NUB1: variants seen among roughly 807,000 people sequenced by gnomAD.
NUB1 encodes NEDD8 ultimate buster 1.
A neutral mutation model predicts 77.1 loss-of-function variants in NUB1; 41 were observed. That is an observed-to-expected ratio of 0.53 (90% CI 0.41 to 0.69). The LOEUF (loss-of-function observed/expected upper bound fraction) is 0.69. NUB1 is among the 30% of genes least tolerant of loss of function. NUB1 has a pLI of 0.00. For missense variants in NUB1, 643 were observed against 743.8 expected (o/e 0.86, Z 1.58); for synonymous variants, 257 against 281.0 (o/e 0.91, Z 0.85).
chr7:151,366,031 A>G (rs1471239340), intron 8 of NUB1, among the ~76,000 whole-genome samples: 1 of 152,180 alleles, frequency 6.6e-6, no homozygotes, highest in Non-Finnish European at 1.5e-5. Context: ...GTTCATATAC[A>G]ATGTGTGGTT....
chr7:151,376,908 G>C, intron 14 of NUB1, 97 bp downstream of exon 14: 1 of 1,450,838 alleles, frequency 6.9e-7, no homozygotes, highest in South Asian at 1.4e-5. Flanking sequence ...AGACTGAGGG[G>C]GCGTCCCCTG....
Position 151,368,777 on chromosome 7 carries a change from G to C in NUB1, c.1138G>C (p.Val380Leu). Residue 380 changes from valine (V) to leucine (L), a missense_variant, in exon 11 of 15, where the codon GTG (valine) becomes CTG (leucine). By Grantham distance (32) the Val-to-Leu change is conservative. Transcript: ENST00000568733. ...FKELYIDPSKVDNLLQLGFTA... is the reference protein window; with the variant it reads ...FKELYIDPSKLDNLLQLGFTA... ...AGAGCTATATATTGATCCATCAAAA[G>C]TGGACAATTTGTTGCAGTTGGGGTT... 6.2e-7 allele frequency: 1 copy of C among 1,614,008 alleles called. No individual in the cohort carries two copies. The highest frequency in any genetic ancestry group is 1.1e-5 in the South Asian group (1 of 91,070).
intron 7 of NUB1, among the ~76,000 whole-genome samples, chr7:151,358,184 A>G (rs989743996): frequency 1.3e-5 from 2 of 151,002 alleles, no homozygotes; most frequent in African/African-American, 4.9e-5. Flanking sequence ...CATGTTGGCC[A>G]GATGGTCTCA....
chr7:151,351,775 G>A (rs1427784410), intron 4 of NUB1, among the ~76,000 whole-genome samples: 1 of 152,146 alleles, frequency 6.6e-6, no homozygotes, highest in African/African-American at 2.4e-5. Context: ...GTGAATGAGT[G>A]AGTGATACAA....
Position 151,371,701 on chromosome 7 carries a change from C to T in NUB1, c.1249-2396C>T, listed in dbSNP as rs137946032. Reference sequence around the variant, plus strand: ...AAATCTGCTGCCCTCGGAGTTCCAACGTTCTAGGTATGAGCATCTGACTGA... The same window carrying T: ...AAATCTGCTGCCCTCGGAGTTCCAATGTTCTAGGTATGAGCATCTGACTGA... On this transcript the variant is annotated intron_variant, in intron 11 of 14. Coordinates refer to ENST00000568733, the MANE Select transcript of NUB1 (RefSeq NM_001243351.2). Among the ~76,000 whole-genome samples, 6 of 152,316 alleles carry T rather than the reference C, an allele frequency of 3.9e-5. No homozygotes were observed. In the East Asian group the frequency reaches 9.7e-4, roughly 25 times the overall value.
At position 151,355,769 on chromosome 7, in the gene NUB1, GA is replaced by G; in HGVS notation, c.421del (p.Thr141ProfsTer11). 2 of 1,582,758 alleles carry G rather than the reference GA, an allele frequency of 1.3e-6. No individual in the cohort carries two copies. Among genetic ancestry groups the G allele is most frequent in the South Asian group, 1.2e-5 (1 of 85,956 alleles). The stretch of plus-strand genomic sequence containing the variant: ...AATAGGCAGTTCTGATTTTTATAGG[GA>G]AAACCCTTGAAGAACAAGGCGTGGC... ...VINKKQLQLG[K>X]TLEEQGVAHN... On this transcript the variant is annotated frameshift_variant and splice_region_variant, in exon 6 of 15. Transcript: ENST00000568733. LOFTEE classifies it high-confidence loss of function.
chr7:151,352,859 T>C lies in NUB1; in HGVS notation c.392T>C (p.Ile131Thr), dbSNP rs1165615916. The change falls in exon 5 of 15, where the codon ATA becomes ACA. Residue 131 changes from isoleucine to threonine, a missense_variant. By Grantham distance (89) the Ile-to-Thr change is moderately conservative. Coordinates refer to ENST00000568733, the MANE Select transcript of NUB1 (RefSeq NM_001243351.2). ...GLQENYIKIV[I>T]NKKQLQLGKT... The stretch of plus-strand genomic sequence containing the variant: ...CAAGAAAATTATATCAAAATTGTCA[T>C]AAATAAGAAGCAACTACAACTAGGT... The C allele has an allele frequency of 3.2e-6, 5 of 1,557,926 alleles. No homozygotes were observed. The highest frequency in any genetic ancestry group is 4.4e-6 in the Non-Finnish European group (5 of 1,132,644).
chr7:151,366,748 C>A (rs1019287931), intron 8 of NUB1, among the ~76,000 whole-genome samples, 191 bp from the exon 9 acceptor site: 1 of 152,122 alleles, frequency 6.6e-6, no homozygotes, highest in Non-Finnish European at 1.5e-5. Context: ...CTCTTTCTTT[C>A]CCCCATTAGA....
chr7:151,359,326 C>G (rs1797249796), intron 7 of NUB1, among the ~76,000 whole-genome samples: 1 of 151,384 alleles, frequency 6.6e-6, no homozygotes, highest in African/African-American at 2.4e-5. Context: ...ACCTGTAGTC[C>G]CAGCTACTTG....
intron 1 of NUB1, 68 bp downstream of exon 1, chr7:151,341,914 G>T: frequency 2.1e-6 from 3 of 1,416,848 alleles, no homozygotes; most frequent in South Asian, 2.9e-5. Context: ...CCCGGTTCCC[G>T]GTCCGACTGG....
intron 11 of NUB1, among the ~76,000 whole-genome samples, chr7:151,373,570 C>T (rs1798055749): frequency 6.6e-6 from 1 of 152,250 alleles, no homozygotes; most frequent in African/African-American, 2.4e-5. Flanking sequence ...TCAGAAGGCC[C>T]TGGAGTCCTT....
intron 1 of NUB1, among the ~76,000 whole-genome samples, chr7:151,344,797 C>T (rs942365201): frequency 9.2e-5 from 14 of 151,954 alleles, no homozygotes; most frequent in South Asian, 2.1e-4. Flanking sequence ...GTCAGGAATT[C>T]GAGACCAGCC....
rs982156855 is a variant in NUB1, at chr7:151,377,434, G to A, written c.*209G>A. 5 of 415,096 alleles carry A rather than the reference G, an allele frequency of 1.2e-5. No homozygotes were observed. The highest frequency in any genetic ancestry group is 4.2e-5 in the East Asian group (1 of 24,014). The allele number at this position is 415,096 out of a possible 1,614,324, so 25.7% of individuals were successfully genotyped here. ...AGCTTCCTCTGGCCTGGCGCAGGCC[G>A]TTCCATCTGCCTCCCAGGTCTGCGT... On this transcript the variant is annotated 3_prime_UTR_variant, in exon 15 of 15. Coordinates refer to ENST00000568733, the MANE Select transcript of NUB1 (RefSeq NM_001243351.2).
intron 11 of NUB1, chr7:151,369,176 T>A: frequency 5.1e-6 from 1 of 197,008 alleles, no homozygotes; most frequent in South Asian, 1.1e-4. Context: ...CCTGGCTAAT[T>A]TTTGTATTTT....
intron 1 of NUB1, among the ~76,000 whole-genome samples, chr7:151,343,750 C>T (rs923505550): frequency 5.3e-5 from 8 of 152,088 alleles, no homozygotes; most frequent in Non-Finnish European, 1.2e-4. Context: ...GACTCCATGA[C>T]GGAAGTTCAG....
At chr7:151,375,311 G>A (rs1026125156) in intron 12 of NUB1, among the ~76,000 whole-genome samples, 1 of 152,140 alleles carries the variant, frequency 6.6e-6, no homozygotes. Context: ...TATTCGAAGG[G>A]ACTGATGGGT....
In NUB1 at chr7:151,360,166, A is replaced by G. The variant is rs1350966032; in HGVS notation, c.719A>G (p.His240Arg). The G allele has an allele frequency of 6.9e-6, 11 of 1,602,938 alleles. No homozygotes were observed. Among genetic ancestry groups the G allele is most frequent in the Non-Finnish European group, 9.4e-6 (11 of 1,170,028 alleles). The change falls in exon 8 of 15, where the codon CAT becomes CGT. Residue 240 changes from histidine (H) to arginine (R), a missense_variant. Coordinates refer to ENST00000568733, the MANE Select transcript of NUB1 (RefSeq NM_001243351.2). ...RKALMLAMGY[H>R]EKGRAFLKRK... ...GCCCTTATGTTAGCTATGGGATATC[A>G]TGAGAAGGGCAGAGCTTTCCTGAAA...
At chr7:151,342,039 G>C in intron 1 of NUB1, 193 bp downstream of exon 1, 5 of 1,088,820 alleles carry the variant, frequency 4.6e-6, no homozygotes, top group Non-Finnish European at 5.9e-6. Flanking sequence ...TTCGGGACGC[G>C]CTGGCCGTTC....
At chr7:151,361,453 G>A in intron 8 of NUB1, among the ~76,000 whole-genome samples, 1 of 152,126 alleles carries the variant, frequency 6.6e-6, no homozygotes, top group East Asian at 1.9e-4. Flanking sequence ...GCTCATCTTG[G>A]GCATTTAATG....
Sources: gnomAD v4.1 joint callset for allele counts (sites outside exome capture counted in the v4.1 genomes callset) on GRCh38, gnomAD v4.1.1 for gene constraint, MANE v1.5 for transcripts, NCBI Gene and HGNC (gene_info 2026-07-23, HGNC 2026-07-21) for gene names.